AKAP9: variants seen among roughly 807,000 people sequenced by gnomAD.
The protein encoded by AKAP9 is A-kinase anchor protein 9.
In AKAP9, 311 loss-of-function variants were observed where a neutral mutation model predicts 488.5. The observed-to-expected ratio is 0.64, with a 90% CI of 0.58 to 0.70. The LOEUF is 0.70. Ranked by LOEUF, AKAP9 falls within the 30% of genes least tolerant of loss-of-function variation. AKAP9 has a pLI of 0.00. For synonymous variants in AKAP9, 1,462 were observed against 1,483.5 expected (o/e 0.99, Z 0.33); for missense variants, 4,215 against 4,374.5 (o/e 0.96, Z 1.03).
chr7:91,992,941 G>T lies in AKAP9; in HGVS notation c.462G>T (p.Pro154=), dbSNP rs375182237. The T allele has an allele frequency of 1.2e-6, 2 of 1,613,854 alleles. No individual in the cohort carries two copies. The highest frequency in any genetic ancestry group is 1.7e-6 in the Non-Finnish European group (2 of 1,179,948). ...CTGAACAAGGAGCACAAGACAGTCC[G>T]ACTCATCTAGAGATGATGGAAAGTG... ...SYSEQGAQDS[P]THLEMMESEL... is the part of the protein sequence containing the mutation. Residue 154 remains proline (P), a synonymous_variant, in exon 5 of 50, where the codon CCG becomes CCT. Transcript: ENST00000356239.
chr7:92,015,988 A>T (rs181981548), intron 10 of AKAP9, 141 bp from the exon 11 acceptor site: 1 of 564,402 alleles, frequency 1.8e-6, no homozygotes, highest in East Asian at 3.0e-5. Flanking sequence ...TTGCAGATTG[A>T]TAAGGGTATG....
At chr7:91,971,556 A>G (rs372132446) in intron 1 of AKAP9, among the ~76,000 whole-genome samples, 1 of 77,994 alleles carries the variant, frequency 1.3e-5, no homozygotes, top group Non-Finnish European at 2.7e-5. Flanking sequence ...ATATACATCT[A>G]TTTCTTTTTT....
intron 1 of AKAP9, among the ~76,000 whole-genome samples, chr7:91,946,201 A>G (rs1454036718): frequency 2.6e-5 from 4 of 152,190 alleles, no homozygotes; most frequent in Admixed American, 6.5e-5. Flanking sequence ...TGTTCTTTGC[A>G]TATTTCAGAT....
At chr7:92,105,826 C>G (rs1306035655) in intron 47 of AKAP9, 63 bp downstream of exon 47, 11 of 1,394,100 alleles carry the variant, frequency 7.9e-6, no homozygotes, top group Non-Finnish European at 1.1e-5. Flanking sequence ...TCCCCCACCC[C>G]CAGACTATGG....
intron 31 of AKAP9, among the ~76,000 whole-genome samples, chr7:92,082,224 C>T (rs150755088): frequency 2.0e-3 from 302 of 152,264 alleles, no homozygotes; most frequent in African/African-American, 6.9e-3. Flanking sequence ...CGTGAGCCAC[C>T]GTGCCTGGCC....
intron 1 of AKAP9, among the ~76,000 whole-genome samples, chr7:91,952,041 G>A (rs1222122096): frequency 1.3e-5 from 2 of 151,864 alleles, no homozygotes; most frequent in East Asian, 1.9e-4. Context: ...TTGTCACTGG[G>A]TTCATCTTAA....
chr7:91,992,205 A>G lies in AKAP9; in HGVS notation c.399A>G (p.Leu133=), dbSNP rs2130634149. ...TGAGAACAGGAAAGCCTACAAATTT[A>G]TTAAGGGTACAGTATTTAAAACTAC... is the stretch of plus-strand genomic sequence containing the variant. ...FVMRTGKPTN[L]LREEEFGVDD... Residue 133 remains leucine, a synonymous_variant, in exon 4 of 50, where the codon TTA becomes TTG. Transcript: ENST00000356239. The G allele has an allele frequency of 6.2e-7, 1 of 1,606,204 alleles. No individual in the cohort carries two copies. The highest frequency in any genetic ancestry group is 8.5e-7 in the Non-Finnish European group (1 of 1,172,970).
intron 21 of AKAP9, 26 bp downstream of exon 21, chr7:92,045,239 C>A (rs1296247657): frequency 6.3e-7 from 1 of 1,595,248 alleles, no homozygotes; most frequent in Non-Finnish European, 8.6e-7. Flanking sequence ...GTTGTGGAAA[C>A]AATCATTTCA....
At chr7:92,015,996 A>G (rs1801460095) in intron 10 of AKAP9, 133 bp from the exon 11 acceptor site, 1 of 663,038 alleles carries the variant, frequency 1.5e-6, no homozygotes, top group African/African-American at 1.8e-5. Flanking sequence ...TGATAAGGGT[A>G]TGGAGAGAAT....
rs1253028052 is a variant in AKAP9, at chr7:92,065,453, A to T, written c.6200A>T (p.Lys2067Ile). The T allele has an allele frequency of 6.2e-7, 1 of 1,608,528 alleles. No individual in the cohort carries two copies. Among genetic ancestry groups the T allele is most frequent in the African/African-American group, 1.3e-5 (1 of 74,786 alleles). ...GAAAAGCAGTTAGAAAAAATGAGAAAATTTTTAGATGTAAGTATTCTCAAG... is the reference window on the plus strand; with the variant it reads ...GAAAAGCAGTTAGAAAAAATGAGAATATTTTTAGATGTAAGTATTCTCAAG... ...ALEKQLEKMRKFLDEQAIDRE... is the reference protein window; with the variant it reads ...ALEKQLEKMRIFLDEQAIDRE... Residue 2067 changes from lysine to isoleucine, a missense_variant, in exon 25 of 50, where the codon AAA becomes ATA. Lys to Ile is a moderately radical substitution (Grantham distance 102). Around this residue, in one of 5 missense-constraint regions of AKAP9, gnomAD observed 2,361 missense variants for 2,430.0 expected, o/e 0.97. Coordinates refer to ENST00000356239, the MANE Select transcript of AKAP9 (RefSeq NM_005751.5).
intron 1 of AKAP9, among the ~76,000 whole-genome samples, chr7:91,944,442 A>G (rs1158150553): frequency 6.6e-6 from 1 of 151,082 alleles, no homozygotes; most frequent in East Asian, 1.9e-4. Context: ...GCTGGAGTGC[A>G]GTGGCAGGAT....
Position 92,102,607 on chromosome 7 carries a change from A to G in AKAP9, c.11111A>G (p.Lys3704Arg), listed in dbSNP as rs777319897. Residue 3704 changes from lysine to arginine, a missense_variant, in exon 46 of 50, where the codon AAA (lysine) becomes AGA (arginine). Lys to Arg is a conservative substitution (Grantham distance 26). This residue lies in a region of AKAP9 where 253 missense variants were observed against 266.8 expected (regional missense o/e 0.95). Coordinates refer to ENST00000356239, the MANE Select transcript of AKAP9 (RefSeq NM_005751.5). ...CCCTAAATATAGAGAATTTATGGTA[A>G]ATACTTGAGGGCAGAAAGTTTTCGA... ...EHVTLKRIYG[K>R]YLRAESFRKA... The G allele has an allele frequency of 1.7e-5, 27 of 1,613,918 alleles. No homozygotes were observed. Among genetic ancestry groups the G allele is most frequent in the Non-Finnish European group, 2.2e-5 (26 of 1,179,926 alleles).
Position 91,995,621 on chromosome 7 carries a change from C to CT in AKAP9, c.752dup (p.Arg252GlufsTer6). On this transcript the variant is annotated frameshift_variant, in exon 7 of 50. Transcript: ENST00000356239. LOFTEE classifies it high-confidence loss of function. ...TTTTCAGTTACAGGCTAGTGAAACT[C>CT]TGAGAAACAGCACTCATAGTAGCAC... The CT allele has an allele frequency of 6.2e-7, 1 of 1,613,984 alleles. No homozygotes were observed. Among genetic ancestry groups the CT allele is most frequent in the Non-Finnish European group, 8.5e-7 (1 of 1,179,992 alleles).
chr7:92,026,558 C>T (rs1414588712), intron 14 of AKAP9, among the ~76,000 whole-genome samples: 1 of 152,188 alleles, frequency 6.6e-6, no homozygotes, highest in African/African-American at 2.4e-5. Context: ...TGGTCTCCAG[C>T]TCCTGACCTC....
chr7:91,998,042 A>G (rs1798617055), intron 7 of AKAP9, among the ~76,000 whole-genome samples: 1 of 152,092 alleles, frequency 6.6e-6, no homozygotes, highest in African/African-American at 2.4e-5. Flanking sequence ...CACAGACATG[A>G]GGGAGGAATG....
chr7:91,998,457 G>A (rs10240956), intron 7 of AKAP9, among the ~76,000 whole-genome samples: 28 of 44,122 alleles, frequency 6.3e-4, no homozygotes, highest in Admixed American at 9.9e-4. Context: ...TTTTTTTTTA[G>A]AATTCAGAGT....
intron 22 of AKAP9, chr7:92,058,181 A>G: frequency 1.7e-6 from 1 of 594,024 alleles, no homozygotes. Context: ...GGATTCTTAT[A>G]GCACCTATTT....
intron 24 of AKAP9, chr7:92,063,424 T>A (rs962426584): frequency 1.1e-6 from 1 of 948,860 alleles, no homozygotes; most frequent in Non-Finnish European, 1.2e-6. Context: ...ATTATACTTT[T>A]GTTGTGTCTT....
chr7:92,045,002 A>G lies in AKAP9; in HGVS notation c.5163-6A>G, dbSNP rs771395652. 1.3e-6 allele frequency: 2 copies of G among 1,599,180 alleles called. No homozygotes were observed. Among genetic ancestry groups the G allele is most frequent in the African/African-American group, 1.3e-5 (1 of 74,698 alleles). On this transcript the variant is annotated splice_polypyrimidine_tract_variant and splice_region_variant and intron_variant, in intron 20 of 49. Transcript: ENST00000356239. Reference sequence around the variant, plus strand: ...CATTTTAATCAGTGCTTCTTTATCTATACAGGTATGCACTCCAGAAAGCTA... The same window carrying G: ...CATTTTAATCAGTGCTTCTTTATCTGTACAGGTATGCACTCCAGAAAGCTA...
Sources: gnomAD v4.1 joint callset for allele counts (sites outside exome capture counted in the v4.1 genomes callset) on GRCh38, gnomAD v4.1.1 for gene constraint, gnomAD v4.1.1 regional missense constraint, MANE v1.5 for transcripts, NCBI Gene and HGNC (gene_info 2026-07-23, HGNC 2026-07-21) for gene names.